The following SEMA4F variants were observed in gnomAD, a reference collection of about 807,000 sequenced individuals.
SEMA4F encodes ssemaphorin 4F.
Under a neutral mutation model 78.4 loss-of-function variants are expected in SEMA4F, and 51 were observed. The ratio of observed to expected loss-of-function variants is 0.65; its 90% CI spans 0.52 to 0.82. The LOEUF (loss-of-function observed/expected upper bound fraction) is 0.82. Among genes scored for constraint, SEMA4F ranks in the 40% least tolerant of loss-of-function variants. The pLI is 0.00. For missense variants in SEMA4F, 938 were observed against 1,014.4 expected (o/e 0.92, Z 1.02); for synonymous variants, 418 against 408.7 (o/e 1.02, Z -0.27).
Position 74,675,589 on chromosome 2 carries a change from C to G in SEMA4F, c.1437C>G (p.Ala479=), listed in dbSNP as rs754546568. Residue 479 remains alanine (A), a synonymous_variant, in exon 11 of 14, where the codon GCC becomes GCG. Transcript: ENST00000357877. The part of the protein sequence containing the change: ...GAQLSVLEDL[A]LFPEPQPVEN... ...AGCTCAGCGTTCTTGAAGATCTGGC[C>G]TTATTCCCAGAGCCACAGCCAGTTG... 1 of 1,614,178 alleles carries G rather than the reference C, an allele frequency of 6.2e-7. No individual in the cohort carries two copies. The highest frequency in any genetic ancestry group is 8.5e-7 in the Non-Finnish European group (1 of 1,180,028).
chr2:74,692,311 A>G, the SEMA4F span, among the ~76,000 whole-genome samples: 1 of 152,208 alleles, frequency 6.6e-6, no homozygotes, highest in South Asian at 2.1e-4. Flanking sequence ...TGTGGCCAAC[A>G]GAAACGAGGT....
intron 5 of SEMA4F, among the ~76,000 whole-genome samples, chr2:74,668,332 TA>T (rs1684801853): frequency 1.3e-5 from 2 of 152,328 alleles, no homozygotes; most frequent in Admixed American, 1.3e-4. Context: ...GTCTACCTCT[TA>T]AATCTCTGAG....
chr2:74,655,222 C>A (rs747391249), intron 1 of SEMA4F: 1 of 318,654 alleles, frequency 3.1e-6, no homozygotes, highest in Non-Finnish European at 6.7e-6. Context: ...ATTGGTAAAC[C>A]ATTCAATGTG....
chr2:74,697,571 G>A, the SEMA4F span, among the ~76,000 whole-genome samples: 4 of 152,184 alleles, frequency 2.6e-5, no homozygotes, highest in Admixed American at 6.5e-5. Flanking sequence ...GTAAGATTGG[G>A]GTCTTGATGA....
At chr2:74,697,588 G>A in the SEMA4F span, among the ~76,000 whole-genome samples, 2 of 152,130 alleles carry the variant, frequency 1.3e-5, no homozygotes, top group Non-Finnish European at 2.9e-5. Flanking sequence ...ATGAACTGGA[G>A]AGCATTTTGA....
At position 74,680,163 on chromosome 2, in the gene SEMA4F, G is replaced by A. The variant is rs547867775; in HGVS notation, c.2267G>A (p.Arg756Gln). The change falls in exon 14 of 14, where the codon CGG (arginine) becomes CAG (glutamine). Residue 756 changes from arginine to glutamine, a missense_variant. By Grantham distance (43) the Arg-to-Gln change is conservative (BLOSUM62 1). Transcript: ENST00000357877. ...CCTTGCCCAAGCCCAGCCCACATTC[G>A]GCTAACTGGGGCTCCTCTAGCCACA... is the stretch of plus-strand genomic sequence containing the variant. ...LDPCPSPAHIRLTGAPLATCD... is the reference protein window; with the variant it reads ...LDPCPSPAHIQLTGAPLATCD... 10 of 1,597,924 alleles carry A rather than the reference G, an allele frequency of 6.3e-6. No homozygotes were observed. The highest frequency in any genetic ancestry group is 3.4e-5 in the Admixed American group (2 of 59,418).
chr2:74,691,926 T>C, the SEMA4F span, among the ~76,000 whole-genome samples: 1 of 152,102 alleles, frequency 6.6e-6, no homozygotes, highest in Admixed American at 6.5e-5. Flanking sequence ...GCTCGGTCAC[T>C]CCATTGCTGC....
At chr2:74,674,181 A>G (rs546839189) in intron 7 of SEMA4F, among the ~76,000 whole-genome samples, 4 of 152,342 alleles carry the variant, frequency 2.6e-5, no homozygotes, top group African/African-American at 9.6e-5. Flanking sequence ...TTGTCTATAA[A>G]AAGAGGATAA....
At chr2:74,663,001 A>G (rs1245555705) in intron 5 of SEMA4F, among the ~76,000 whole-genome samples, 176 bp downstream of exon 5, 1 of 152,170 alleles carries the variant, frequency 6.6e-6, no homozygotes, top group East Asian at 1.9e-4. Context: ...TTCCCCACCT[A>G]GTATGATATC....
chr2:74,669,491 A>G (rs1684865440), intron 5 of SEMA4F, among the ~76,000 whole-genome samples: 1 of 151,858 alleles, frequency 6.6e-6, no homozygotes, highest in African/African-American at 2.4e-5. Context: ...AGGCTGAGGC[A>G]GGAGAATCGC....
chr2:74,681,517 G>A lies in SEMA4F; in HGVS notation c.*1308G>A, dbSNP rs1303552237. The A allele has an allele frequency of 1.3e-5, 2 of 152,706 alleles. No homozygotes were observed. Among genetic ancestry groups the A allele is most frequent in the African/African-American group, 4.8e-5 (2 of 41,454 alleles). The allele number at this position is 152,706 out of a possible 1,614,324, so 9.5% of individuals were successfully genotyped here. On this transcript the variant is annotated 3_prime_UTR_variant, in exon 14 of 14. Transcript: ENST00000357877. ...TGGAGTTACCACTGAGATGCCAAAGGTTGCTGGGTCTGGAAGACTGTTGTG... is the reference window on the plus strand; with the variant it reads ...TGGAGTTACCACTGAGATGCCAAAGATTGCTGGGTCTGGAAGACTGTTGTG...
At chr2:74,655,309 A>G (rs1232205165) in intron 1 of SEMA4F, 2 of 404,682 alleles carry the variant, frequency 4.9e-6, no homozygotes, top group South Asian at 3.8e-5. Flanking sequence ...GATCCTTTGA[A>G]AAGATGTGGA....
rs764940718 is a variant in SEMA4F, at chr2:74,679,993, C to T, written c.2097C>T (p.Gly699=). The T allele has an allele frequency of 6.2e-6, 10 of 1,614,100 alleles. No individual in the cohort carries two copies. In the East Asian group the frequency reaches 1.8e-4, roughly 29 times the overall value. ...AACTTCTGGCTAGAGACAAGGTGGG[C>T]CTGGACCTGGGGGCTCCACCTTCTG... ...QRELLARDKV[G]LDLGAPPSGT... is the part of the protein sequence containing the mutation. The change falls in exon 14 of 14, where the codon GGC becomes GGT. Residue 699 remains glycine, a synonymous_variant. Transcript: ENST00000357877.
At chr2:74,671,815 ACT>A (rs1558728638) in intron 5 of SEMA4F, among the ~76,000 whole-genome samples, 1 of 152,160 alleles carries the variant, frequency 6.6e-6, no homozygotes, top group South Asian at 2.1e-4. Flanking sequence ...GTCACCACTG[ACT>A]ACCATCAGTC....
chr2:74,656,297 A>G (rs1200532482), intron 1 of SEMA4F, among the ~76,000 whole-genome samples: 1 of 152,208 alleles, frequency 6.6e-6, no homozygotes, highest in African/African-American at 2.4e-5. Flanking sequence ...GGCGTGAGCA[A>G]CCGTGTCCAG....
intron 12 of SEMA4F, among the ~76,000 whole-genome samples, chr2:74,678,722 G>A (rs1270875386): frequency 6.6e-6 from 1 of 152,138 alleles, no homozygotes; most frequent in Non-Finnish European, 1.5e-5. Context: ...CTTCCGGCTG[G>A]ATGACCCCAG....
chr2:74,672,825 T>G (rs1407173657), intron 5 of SEMA4F, among the ~76,000 whole-genome samples: 3 of 152,184 alleles, frequency 2.0e-5, no homozygotes, highest in African/African-American at 7.2e-5. Context: ...TAGGCTAGTA[T>G]CTCTCAAAGT....
rs565501935 is a variant in SEMA4F, at chr2:74,679,854, C to T, written c.1958C>T (p.Pro653Leu). ...GTATGGGGCAGCCAGCGAGATGCTCCGAGCCGGGCCCACACAGTGGGGGCG... is the reference window on the plus strand; with the variant it reads ...GTATGGGGCAGCCAGCGAGATGCTCTGAGCCGGGCCCACACAGTGGGGGCG... ...SLVWGSQRDA[P>L]SRAHTVGAGL... is the part of the protein sequence containing the mutation. Residue 653 changes from proline (P) to leucine (L), a missense_variant, in exon 14 of 14, where the codon CCG becomes CTG. Physicochemically the swap from Pro to Leu is moderately conservative, Grantham distance 98 (BLOSUM62 -3). Transcript: ENST00000357877. The T allele has an allele frequency of 3.8e-5, 61 of 1,614,194 alleles. No individual in the cohort carries two copies. Among genetic ancestry groups the T allele is most frequent in the South Asian group, 8.8e-5 (8 of 91,092 alleles).
intron 5 of SEMA4F, among the ~76,000 whole-genome samples, chr2:74,667,494 G>GAT (rs960910394): frequency 6.6e-6 from 1 of 152,234 alleles, no homozygotes; most frequent in Non-Finnish European, 1.5e-5. Context: ...AGTCCAGTAT[G>GAT]ATATATATAT....
Sources: allele counts gnomAD v4.1 joint callset (sites outside exome capture counted in the v4.1 genomes callset), GRCh38; gene constraint gnomAD v4.1.1; transcripts MANE v1.5; gene names NCBI Gene and HGNC (gene_info 2026-07-23, HGNC 2026-07-21).